Variants in ATP13A4 observed in about 807,000 individuals in gnomAD.
The protein encoded by ATP13A4 is ATPase 13A4.
A neutral mutation model predicts 142.5 loss-of-function variants in ATP13A4; 114 were observed. The observed-to-expected ratio is 0.80, with a 90% confidence interval of 0.69 to 0.93. The LOEUF (loss-of-function observed/expected upper bound fraction) is 0.93. Ranked by LOEUF, ATP13A4 falls within the 40% of genes least tolerant of loss-of-function variation. The pLI is 0.00. For synonymous variants in ATP13A4, 488 were observed against 514.8 expected (o/e 0.95, Z 0.70); for missense variants, 1,392 against 1,454.0 (o/e 0.96, Z 0.69).
intron 11 of ATP13A4, 113 bp downstream of exon 11, chr3:193,465,912 G>A: frequency 7.6e-7 from 1 of 1,319,666 alleles, no homozygotes; most frequent in Non-Finnish European, 1.1e-6. Flanking sequence ...ATCAGTGCTT[G>A]GTTTTGTTTC....
chr3:193,493,320 A>G (rs1720046987), intron 3 of ATP13A4, among the ~76,000 whole-genome samples, 160 bp from the exon 4 acceptor site: 1 of 152,290 alleles, frequency 6.6e-6, no homozygotes, highest in South Asian at 2.1e-4. Context: ...CTTTTCTACC[A>G]TACAAATGGT....
chr3:193,586,203 A>G (rs1476450483), intron 1 of ATP13A4, among the ~76,000 whole-genome samples: 1 of 152,182 alleles, frequency 6.6e-6, no homozygotes, highest in African/African-American at 2.4e-5. Context: ...GTATTGAATT[A>G]TAAGAATTTC....
intron 9 of ATP13A4, among the ~76,000 whole-genome samples, chr3:193,469,607 G>C (rs1718501698): frequency 6.6e-6 from 1 of 152,208 alleles, no homozygotes; most frequent in Non-Finnish European, 1.5e-5. Flanking sequence ...CAACCTGCGT[G>C]ACAGAGTGAG....
chr3:193,477,394 G>A (rs1577004452), intron 8 of ATP13A4, among the ~76,000 whole-genome samples: 1 of 152,010 alleles, frequency 6.6e-6, no homozygotes, highest in Non-Finnish European at 1.5e-5. Flanking sequence ...ATAGGTACGT[G>A]AGGATTTATT....
intron 1 of ATP13A4, among the ~76,000 whole-genome samples, chr3:193,533,677 C>G (rs1722442360): frequency 6.6e-6 from 1 of 152,170 alleles, no homozygotes; most frequent in South Asian, 2.1e-4. Context: ...CCACTCTACT[C>G]TAGGTAAACA....
intron 1 of ATP13A4, among the ~76,000 whole-genome samples, chr3:193,551,168 C>T (rs1723538702): frequency 6.6e-6 from 1 of 152,156 alleles, no homozygotes; most frequent in Admixed American, 6.5e-5. Flanking sequence ...AATCCCAGCA[C>T]TTTGGGAGGC....
chr3:193,490,189 G>T lies in ATP13A4; in HGVS notation c.604-325C>A, dbSNP rs146666137. ...CCACAGACCCAAGACTTAAACACAG[G>T]CAATCTGACCCCAGAGCACTTACTT... On this transcript the variant is annotated intron_variant, in intron 6 of 29. Coordinates refer to ENST00000342695, the MANE Select transcript of ATP13A4 (RefSeq NM_032279.4). 1.5e-4 allele frequency among the ~76,000 whole-genome samples: 23 copies of T among 152,214 alleles called. No homozygotes were observed. In the East Asian group the frequency reaches 4.2e-3, roughly 28 times the overall value.
intron 1 of ATP13A4, among the ~76,000 whole-genome samples, chr3:193,543,167 C>CAAAAAAAAAAAAAAAAAAA (rs566660322): frequency 8.7e-6 from 1 of 115,224 alleles, no homozygotes; most frequent in South Asian, 2.8e-4. Context: ...GACTCCATCT[C>CAAAAAAAAAAAAAAAAAAA]AAAAAAAAAA....
rs536772823 is a variant in ATP13A4, at chr3:193,570,988, A to G, written n.291+10719T>C. Among the ~76,000 whole-genome samples, 57 of 152,294 alleles carry G rather than the reference A, an allele frequency of 3.7e-4. No individual in the cohort carries two copies. The South Asian group carries it at 0.012, about 32-fold the overall frequency. ...TGGTTGTAAAAGCAAAGTAGAAAAT[A>G]AGTATCTGGCCAGGTGTGGTAGCTC... On this transcript the variant is annotated intron_variant and non_coding_transcript_variant, in intron 2 of 3. Coordinates refer to the ATP13A4 transcript ENST00000489140.
intron 1 of ATP13A4, chr3:193,554,366 C>G: frequency 3.1e-6 from 1 of 327,326 alleles, no homozygotes; most frequent in Non-Finnish European, 5.9e-6. Flanking sequence ...TCAGGGAATA[C>G]ACTGCTCCTC....
chr3:193,555,107 A>G, upstream of ATP13A4: 1 of 468,184 alleles, frequency 2.1e-6, no homozygotes, highest in South Asian at 2.0e-5. Context: ...ACTTACAGGG[A>G]AAGAACTCAT....
intron 8 of ATP13A4, among the ~76,000 whole-genome samples, chr3:193,472,508 T>TC (rs1374524866): frequency 6.6e-6 from 1 of 152,182 alleles, no homozygotes; most frequent in Non-Finnish European, 1.5e-5. Flanking sequence ...GTTCTCGACT[T>TC]AAAGAAAACA....
At chr3:193,456,920 A>C in intron 16 of ATP13A4, 80 bp downstream of exon 16, 1 of 1,520,806 alleles carries the variant, frequency 6.6e-7, no homozygotes, top group East Asian at 2.4e-5. Flanking sequence ...AGGCGATTGA[A>C]TTAATAGATC....
intron 1 of ATP13A4, among the ~76,000 whole-genome samples, chr3:193,592,307 G>C (rs1214499893): frequency 6.6e-6 from 1 of 152,118 alleles, no homozygotes; most frequent in Non-Finnish European, 1.5e-5. Flanking sequence ...TGTTGGAAGG[G>C]GAAAGGAGTA....
chr3:193,535,379 A>G (rs1363069419), intron 1 of ATP13A4, among the ~76,000 whole-genome samples: 1 of 152,192 alleles, frequency 6.6e-6, no homozygotes, highest in African/African-American at 2.4e-5. Context: ...ACAGAAATTT[A>G]ACAAAAAACT....
In ATP13A4 at chr3:193,407,358, A is replaced by C. The variant is rs1475637326; in HGVS notation, c.3333T>G (p.Ile1111Met). 4 of 1,613,706 alleles carry C rather than the reference A, an allele frequency of 2.5e-6. No homozygotes were observed. Among genetic ancestry groups the C allele is most frequent in the Admixed American group, 1.7e-5 (1 of 60,004 alleles). Residue 1111 changes from isoleucine (I) to methionine (M), a missense_variant, in exon 29 of 30, where the codon ATT (isoleucine) becomes ATG (methionine). Ile to Met is a conservative substitution (Grantham distance 10). Transcript: ENST00000342695. Reference sequence around the variant, plus strand: ...TGAAATTCAAGCTGAGCATGATGACAATGGAGGCCCTCCACAGGACGGGAG... The same window carrying C: ...TGAAATTCAAGCTGAGCATGATGACCATGGAGGCCCTCCACAGGACGGGAG... ...LCTPVLWRASIVIMLSLNFIV... is the reference protein window; with the variant it reads ...LCTPVLWRASMVIMLSLNFIV...
At chr3:193,407,881 C>G (rs1431573100) in intron 28 of ATP13A4, among the ~76,000 whole-genome samples, 1 of 152,236 alleles carries the variant, frequency 6.6e-6, no homozygotes, top group Non-Finnish European at 1.5e-5. Context: ...CTCTCCCCAG[C>G]CAAGCCCTGC....
At chr3:193,454,607 A>C (rs1717477176) in intron 16 of ATP13A4, among the ~76,000 whole-genome samples, 1 of 152,224 alleles carries the variant, frequency 6.6e-6, no homozygotes. Context: ...TGACAAAAAT[A>C]AGCATGGGGA....
intron 18 of ATP13A4, among the ~76,000 whole-genome samples, chr3:193,446,570 C>T (rs1052762775): frequency 6.6e-6 from 1 of 152,144 alleles, no homozygotes; most frequent in Non-Finnish European, 1.5e-5. Context: ...TTTGGTGATT[C>T]AGTTATATAA....
Sources: allele counts gnomAD v4.1 joint callset (sites outside exome capture counted in the v4.1 genomes callset), GRCh38; gene constraint gnomAD v4.1.1; transcripts MANE v1.5; gene names NCBI Gene and HGNC (gene_info 2026-07-23, HGNC 2026-07-21).